Variants in RAPGEF4 observed in about 807,000 individuals in gnomAD.
The protein encoded by RAPGEF4 is RAP guanine-nucleotide-exchange factor (GEF) 4.
RAPGEF4 carries 66 observed loss-of-function variants against 147.9 expected under a neutral mutation model. The ratio of observed to expected loss-of-function variants is 0.45; its 90% CI spans 0.37 to 0.55. The LOEUF is 0.55. RAPGEF4 is among the 20% of genes least tolerant of loss of function. The pLI, the probability that RAPGEF4 is intolerant of heterozygous loss-of-function variation, is 0.00. For missense variants in RAPGEF4, 1,071 were observed against 1,257.3 expected (o/e 0.85, Z 2.24); for synonymous variants, 419 against 442.7 (o/e 0.95, Z 0.67).
At chr2:172,893,712 C>G (rs1402634227) in intron 4 of RAPGEF4, 4 of 152,158 alleles carry the variant, frequency 2.6e-5, no homozygotes, top group Non-Finnish European at 5.9e-5. Context: ...GAAGAAAGGG[C>G]TCCAGGAATG....
chr2:172,848,934 A>T (rs1232136434), intron 4 of RAPGEF4, among the ~76,000 whole-genome samples: 1 of 152,212 alleles, frequency 6.6e-6, no homozygotes, highest in East Asian at 1.9e-4. Flanking sequence ...GGTGATGTTG[A>T]CTAAAGGAGA....
At chr2:173,007,633 A>G (rs1427288911) in intron 17 of RAPGEF4, among the ~76,000 whole-genome samples, 3 of 152,230 alleles carry the variant, frequency 2.0e-5, no homozygotes, top group African/African-American at 4.8e-5. Flanking sequence ...AAGTTTACTG[A>G]TGAGGAAACC....
chr2:172,772,893 T>G (rs1683770226), intron 1 of RAPGEF4, among the ~76,000 whole-genome samples: 1 of 152,208 alleles, frequency 6.6e-6, no homozygotes, highest in Admixed American at 6.5e-5. Flanking sequence ...TTGCTAACAG[T>G]GAATCACAAG....
chr2:173,009,297 AT>A (rs1392298967), intron 17 of RAPGEF4, among the ~76,000 whole-genome samples: 3 of 152,230 alleles, frequency 2.0e-5, no homozygotes, highest in African/African-American at 4.8e-5. Flanking sequence ...AGAAAAGTGC[AT>A]TAGATACAGC....
At chr2:172,996,617 G>A in intron 16 of RAPGEF4, 63 bp downstream of exon 16, 4 of 1,141,788 alleles carry the variant, frequency 3.5e-6, no homozygotes, top group Non-Finnish European at 5.0e-6. Flanking sequence ...TAAAAGTCCT[G>A]AATTCATTTG....
rs371696743 is a variant in RAPGEF4, at chr2:172,795,142, T to C, written c.183T>C (p.Tyr61=). 19 of 1,610,548 alleles carry C rather than the reference T, an allele frequency of 1.2e-5. No individual in the cohort carries two copies. The African/African-American group carries it at 1.5e-4, about 12-fold the overall frequency. Residue 61 remains tyrosine (Y), a synonymous_variant, in exon 2 of 31, where the codon TAT becomes TAC. Coordinates refer to ENST00000397081, the MANE Select transcript of RAPGEF4 (RefSeq NM_007023.4). ...LLHQICLCGY[Y]ENLEKGITLF... ...ATCAGATTTGCTTATGTGGTTATTA[T>C]GAGAATCTGGAAAAGGGAATAACAT...
chr2:172,770,589 T>G (rs998435947), intron 1 of RAPGEF4, among the ~76,000 whole-genome samples: 1 of 152,212 alleles, frequency 6.6e-6, no homozygotes, highest in African/African-American at 2.4e-5. Flanking sequence ...TCTTTCTTAT[T>G]CGAATGTACA....
In RAPGEF4 at chr2:173,051,629, T is replaced by G. The variant is rs1402055770; in HGVS notation, c.2909-11T>G. The G allele has an allele frequency of 2.5e-6, 4 of 1,612,764 alleles. No homozygotes were observed. Among genetic ancestry groups the G allele is most frequent in the African/African-American group, 2.7e-5 (2 of 74,896 alleles). On this transcript the variant is annotated splice_polypyrimidine_tract_variant and intron_variant, in intron 30 of 30. Transcript: ENST00000397081. ...ACACAATGCCAATTCTGCCCTTTCC[T>G]CTTTCAACAGATCCTGATGCAGCTC...
At chr2:172,881,117 G>A (rs1280166040) in intron 4 of RAPGEF4, among the ~76,000 whole-genome samples, 1 of 152,178 alleles carries the variant, frequency 6.6e-6, no homozygotes, top group Non-Finnish European at 1.5e-5. Context: ...GCCCACGCTT[G>A]TGGAGGTGTG....
intron 4 of RAPGEF4, among the ~76,000 whole-genome samples, chr2:172,851,992 G>T (rs968479023): frequency 2.6e-5 from 4 of 152,070 alleles, no homozygotes; most frequent in Non-Finnish European, 4.4e-5. Context: ...CTGTAAATAC[G>T]ATTATGCAAA....
rs934081566 is a variant in RAPGEF4, at chr2:173,005,500, T to C, written c.1658+4156T>C. 2.0e-5 allele frequency among the ~76,000 whole-genome samples: 3 copies of C among 149,196 alleles called. No individual in the cohort carries two copies. In the Admixed American group the frequency reaches 2.0e-4, roughly 10 times the overall value. ...AAAAAGTCTGGTATATTATTTTTGTTGTTGTTGTTGTTGTTTTGTGTTTTT... is the reference window on the plus strand; with the variant it reads ...AAAAAGTCTGGTATATTATTTTTGTCGTTGTTGTTGTTGTTTTGTGTTTTT... On this transcript the variant is annotated intron_variant, in intron 17 of 30. Transcript: ENST00000397081.
chr2:172,797,671 C>T (rs767751537), intron 3 of RAPGEF4, 58 bp downstream of exon 3: 18 of 1,306,846 alleles, frequency 1.4e-5, no homozygotes, highest in Non-Finnish European at 1.8e-5. Context: ...CTTATTATCC[C>T]TATGTCTTTT....
At chr2:172,889,765 T>A (rs1697690388) in intron 4 of RAPGEF4, 1 of 920,842 alleles carries the variant, frequency 1.1e-6, no homozygotes, top group South Asian at 5.0e-5. Context: ...AGGAAAATTT[T>A]AAAAATATAG....
intron 1 of RAPGEF4, among the ~76,000 whole-genome samples, chr2:172,766,621 C>A (rs886988047): frequency 3.3e-5 from 5 of 152,184 alleles, no homozygotes; most frequent in African/African-American, 1.2e-4. Context: ...AGATAGCACA[C>A]ATACCCATCA....
At chr2:172,818,876 A>G (rs575737240) in intron 4 of RAPGEF4, among the ~76,000 whole-genome samples, 229 of 152,290 alleles carry the variant, frequency 1.5e-3, no homozygotes, top group Non-Finnish European at 2.5e-3. Flanking sequence ...AACCACACGT[A>G]AGGTTTTGAA....
intron 10 of RAPGEF4, among the ~76,000 whole-genome samples, chr2:172,982,750 G>A (rs547985210): frequency 5.9e-5 from 9 of 152,146 alleles, no homozygotes; most frequent in Non-Finnish European, 1.0e-4. Flanking sequence ...GTCCTTGAAG[G>A]CATGTTATTG....
chr2:172,843,377 C>T (rs1691830779), intron 4 of RAPGEF4, among the ~76,000 whole-genome samples: 2 of 152,224 alleles, frequency 1.3e-5, no homozygotes, highest in Non-Finnish European at 2.9e-5. Flanking sequence ...CAAGTCAAAG[C>T]ATGCACACTT....
intron 1 of RAPGEF4, among the ~76,000 whole-genome samples, chr2:172,740,700 G>T (rs76879663): frequency 0.025 from 3,772 of 152,264 alleles, 62 homozygotes; most frequent in South Asian, 0.042. Context: ...CCTGGAGGAG[G>T]CTAGTATCTA....
chr2:172,917,421 G>A (rs1337710178), intron 4 of RAPGEF4: 1 of 514,798 alleles, frequency 1.9e-6, no homozygotes, highest in South Asian at 1.5e-5. Context: ...TAAGTAGGCA[G>A]CACATTTATT....
Sources: allele counts gnomAD v4.1 joint callset (sites outside exome capture counted in the v4.1 genomes callset), GRCh38; gene constraint gnomAD v4.1.1; transcripts MANE v1.5; gene names NCBI Gene and HGNC (gene_info 2026-07-23, HGNC 2026-07-21).